SH3PXD2B: variants seen among roughly 807,000 people sequenced by gnomAD.
SH3PXD2B encodes SH3 and PX domains 2B.
Under a neutral mutation model 73.1 loss-of-function variants are expected in SH3PXD2B, and 37 were observed. That is an observed-to-expected ratio of 0.51 (90% confidence interval 0.39 to 0.67). The LOEUF is 0.67. SH3PXD2B is among the 30% of genes least tolerant of loss of function. SH3PXD2B has a pLI of 0.00. For missense variants in SH3PXD2B, 1,053 were observed against 1,197.8 expected, an observed-to-expected ratio of 0.88 and a Z score of 1.78; for synonymous variants, 457 against 480.5, an observed-to-expected ratio of 0.95 and a Z score of 0.64.
At chr5:172,428,911 G>T (rs1191609055) in intron 1 of SH3PXD2B, among the ~76,000 whole-genome samples, 2 of 152,180 alleles carry the variant, frequency 1.3e-5, no homozygotes, top group African/African-American at 4.8e-5. Flanking sequence ...CCTCCAGAAA[G>T]CCCTCTGTGA....
intron 4 of SH3PXD2B, among the ~76,000 whole-genome samples, chr5:172,393,571 C>G (rs941745900): frequency 1.3e-5 from 2 of 152,004 alleles, no homozygotes; most frequent in African/African-American, 2.4e-5. Flanking sequence ...CTGGCTAGTC[C>G]CCTAGTAAAA....
chr5:172,385,538 G>A (rs879470522), intron 4 of SH3PXD2B, among the ~76,000 whole-genome samples: 19 of 152,190 alleles, frequency 1.2e-4, no homozygotes, highest in Admixed American at 7.2e-4. Flanking sequence ...ACAGTGCTGG[G>A]GAGACCCTAA....
At chr5:172,442,692 T>TA (rs1412092599) in intron 1 of SH3PXD2B, among the ~76,000 whole-genome samples, 1 of 152,216 alleles carries the variant, frequency 6.6e-6, no homozygotes, top group Non-Finnish European at 1.5e-5. Context: ...TGCACATCAC[T>TA]AGTCAGATAA....
intron 2 of SH3PXD2B, among the ~76,000 whole-genome samples, chr5:172,411,798 G>T (rs994507527): frequency 6.1e-5 from 9 of 146,408 alleles, no homozygotes; most frequent in South Asian, 2.2e-4. Context: ...AGGCTGTGTG[G>T]TTTTTTTTTT....
chr5:172,394,258 A>T (rs1758247447), intron 4 of SH3PXD2B, among the ~76,000 whole-genome samples: 1 of 152,224 alleles, frequency 6.6e-6, no homozygotes, highest in African/African-American at 2.4e-5. Flanking sequence ...AGGATGTTTT[A>T]ATAGTAGGGA....
At position 172,433,912 on chromosome 5, in the gene SH3PXD2B, C is replaced by T. The variant is rs541706313; in HGVS notation, c.76-11416G>A. Among the ~76,000 whole-genome samples the T allele has an allele frequency of 5.3e-5, 8 of 152,236 alleles. No individual in the cohort carries two copies. The East Asian group carries it at 5.8e-4, about 11-fold the overall frequency. The stretch of plus-strand genomic sequence containing the variant: ...TGTTGCCCAACCCTTCACCTCCTCG[C>T]GGGGTCTAACTCCAGTCTAAGGGGA... On this transcript the variant is annotated intron_variant, in intron 1 of 12. Coordinates refer to ENST00000311601, the MANE Select transcript of SH3PXD2B (RefSeq NM_001017995.3).
chr5:172,390,658 G>C (rs545022152), intron 4 of SH3PXD2B, among the ~76,000 whole-genome samples: 134 of 152,292 alleles, frequency 8.8e-4, no homozygotes, highest in African/African-American at 3.1e-3. Context: ...CCAGTTGTTG[G>C]CTATTATGAA....
At position 172,362,750 on chromosome 5, in the gene SH3PXD2B, C is replaced by T. The variant is rs1581275557; in HGVS notation, c.547G>A (p.Glu183Lys). 2 of 1,614,078 alleles carry T rather than the reference C, an allele frequency of 1.2e-6. No homozygotes were observed. The highest frequency in any genetic ancestry group is 1.7e-6 in the Non-Finnish European group (2 of 1,180,010). Reference protein sequence around the residue: ...LSVGQVVDIIEKNESGWWFVS... With the variant: ...LSVGQVVDIIKKNESGWWFVS... The stretch of plus-strand genomic sequence containing the variant: ...AGGTCCCCACCTGACTCATTCTTCT[C>T]GATGATGTCCACCACCTGCCCCACG... The change falls in exon 7 of 13, where the codon GAG becomes AAG. Residue 183 changes from glutamate to lysine, a missense_variant. Physicochemically the swap from Glu to Lys is moderately conservative, Grantham distance 56. This residue lies in a region of SH3PXD2B where 466 missense variants were observed against 607.1 expected (regional missense o/e 0.77). Coordinates refer to ENST00000311601, the MANE Select transcript of SH3PXD2B (RefSeq NM_001017995.3).
At chr5:172,369,937 G>T (rs1757665053) in intron 6 of SH3PXD2B, among the ~76,000 whole-genome samples, 1 of 152,084 alleles carries the variant, frequency 6.6e-6, no homozygotes, top group African/African-American at 2.4e-5. Context: ...GGGACCCAGA[G>T]CACTACCAGG....
chr5:172,377,468 T>G (rs1378583114), intron 5 of SH3PXD2B, among the ~76,000 whole-genome samples: 1 of 152,114 alleles, frequency 6.6e-6, no homozygotes, highest in Non-Finnish European at 1.5e-5. Context: ...CTTCCTTCCT[T>G]TTCAAATCCT....
chr5:172,449,228 G>C (rs186151902), intron 1 of SH3PXD2B, among the ~76,000 whole-genome samples: 124 of 152,338 alleles, frequency 8.1e-4, no homozygotes, highest in African/African-American at 2.4e-3. Flanking sequence ...AGTCGGGGCT[G>C]AATAAATGGT....
chr5:172,433,020 G>A (rs964517546), intron 1 of SH3PXD2B, among the ~76,000 whole-genome samples: 3 of 151,678 alleles, frequency 2.0e-5, no homozygotes, highest in South Asian at 2.1e-4. Context: ...ACCACCTAAC[G>A]TTTTCCAATG....
At chr5:172,390,076 A>G (rs1464062916) in intron 4 of SH3PXD2B, among the ~76,000 whole-genome samples, 2 of 152,232 alleles carry the variant, frequency 1.3e-5, no homozygotes, top group Non-Finnish European at 1.5e-5. Flanking sequence ...TTTACCCATT[A>G]TAAGTGCACA....
rs190182747 is a variant in SH3PXD2B at position 172,397,668 on chromosome 5, G to A, written c.233-3029C>T. On this transcript the variant is annotated intron_variant, in intron 3 of 12. Coordinates refer to ENST00000311601, the MANE Select transcript of SH3PXD2B (RefSeq NM_001017995.3). The stretch of plus-strand genomic sequence containing the variant: ...GAAATAACATTGAATTATTGGGGGC[G>A]GGTTCCCCCGATATCTGGCACCCAA... Among the ~76,000 whole-genome samples, 914 of 152,296 alleles carry A rather than the reference G, an allele frequency of 6.0e-3. 13 individuals are homozygous for A. Among genetic ancestry groups the A allele is most frequent in the African/African-American group, 0.021 (871 of 41,550 alleles).
chr5:172,366,414 C>G (rs992731554), intron 6 of SH3PXD2B, among the ~76,000 whole-genome samples: 1 of 152,166 alleles, frequency 6.6e-6, no homozygotes, highest in Non-Finnish European at 1.5e-5. Context: ...TCAGCACCTG[C>G]CATGGGCTCG....
intron 12 of SH3PXD2B, among the ~76,000 whole-genome samples, chr5:172,341,315 T>C (rs1273237127): frequency 6.6e-6 from 1 of 152,124 alleles, no homozygotes; most frequent in Non-Finnish European, 1.5e-5. Flanking sequence ...AAGTCTCATG[T>C]TGAAATGTGA....
chr5:172,328,625 C>T (rs951639079), downstream of SH3PXD2B, among the ~76,000 whole-genome samples: 20 of 152,206 alleles, frequency 1.3e-4, no homozygotes, highest in African/African-American at 4.3e-4. Context: ...TTGAGAGGGC[C>T]GTGGGAGAAT....
At chr5:172,410,820 G>A (rs548585474) in intron 2 of SH3PXD2B, among the ~76,000 whole-genome samples, 1 of 152,348 alleles carries the variant, frequency 6.6e-6, no homozygotes, top group Non-Finnish European at 1.5e-5. Context: ...GACCTTGACA[G>A]TAACTCTGTG....
intron 5 of SH3PXD2B, among the ~76,000 whole-genome samples, chr5:172,381,044 A>T (rs1191379048): frequency 6.6e-6 from 1 of 152,232 alleles, no homozygotes; most frequent in Non-Finnish European, 1.5e-5. Flanking sequence ...AGTCTATTTA[A>T]AAAATTTTTG....
Sources: allele counts gnomAD v4.1 joint callset (sites outside exome capture counted in the v4.1 genomes callset), GRCh38; gene constraint gnomAD v4.1.1; regional missense constraint gnomAD v4.1.1; transcripts MANE v1.5; gene names NCBI Gene and HGNC (gene_info 2026-07-23, HGNC 2026-07-21).